DNAH8: variants seen among roughly 807,000 people sequenced by gnomAD.
DNAH8 encodes the protein axonemal beta dynein heavy chain 8.
In DNAH8, 382 loss-of-function variants were observed where a neutral mutation model predicts 562.1. That is an observed-to-expected ratio of 0.68 (90% CI 0.63 to 0.74). DNAH8 has a LOEUF of 0.74. Among genes scored for constraint, DNAH8 ranks in the 30% least tolerant of loss-of-function variants. The pLI, the probability that DNAH8 is intolerant of heterozygous loss-of-function variation, is 0.00. For synonymous variants in DNAH8, 1,881 were observed against 1,919.4 expected (o/e 0.98, Z 0.52); for missense variants, 5,203 against 5,620.4 (o/e 0.93, Z 2.37).
chr6:38,840,241 G>A (rs1186809284), intron 33 of DNAH8, among the ~76,000 whole-genome samples: 1 of 152,130 alleles, frequency 6.6e-6, no homozygotes, highest in East Asian at 1.9e-4. Flanking sequence ...TGAAAACTCG[G>A]ACAGTCATCA....
At chr6:38,934,500 G>C (rs1782800666) in intron 76 of DNAH8, among the ~76,000 whole-genome samples, 1 of 152,084 alleles carries the variant, frequency 6.6e-6, no homozygotes, top group Non-Finnish European at 1.5e-5. Context: ...TGAAAATGAT[G>C]AAATTTCTGA....
At chr6:38,770,308 T>A (rs1030398809) in intron 11 of DNAH8, 105 bp from the exon 12 acceptor site, 15 of 624,118 alleles carry the variant, frequency 2.4e-5, no homozygotes, top group Non-Finnish European at 3.7e-5. Context: ...ACTATACAGA[T>A]TTTCACAGTT....
chr6:38,770,657 C>T, intron 12 of DNAH8, 98 bp downstream of exon 12: 4 of 1,154,126 alleles, frequency 3.5e-6, no homozygotes, highest in Non-Finnish European at 4.7e-6. Flanking sequence ...TTCCTGATCT[C>T]TTGTCCACTA....
chr6:38,799,533 A>C (rs1474646539), intron 21 of DNAH8, among the ~76,000 whole-genome samples: 1 of 151,988 alleles, frequency 6.6e-6, no homozygotes, highest in African/African-American at 2.4e-5. Flanking sequence ...CCCATCTCCT[A>C]TTAATTTTTG....
At chr6:38,934,866 T>C (rs1782827067) in intron 76 of DNAH8, among the ~76,000 whole-genome samples, 1 of 152,254 alleles carries the variant, frequency 6.6e-6, no homozygotes, top group African/African-American at 2.4e-5. Flanking sequence ...CAACATTATG[T>C]ATTCTATAGA....
At chr6:38,750,296 C>G (rs1240028712) in intron 8 of DNAH8, among the ~76,000 whole-genome samples, 180 bp from the exon 9 acceptor site, 1 of 152,156 alleles carries the variant, frequency 6.6e-6, no homozygotes, top group African/African-American at 2.4e-5. Flanking sequence ...TTTAGTAATT[C>G]ATTTAAGGTG....
rs1266971661 is a variant in DNAH8, at chr6:38,945,527, T to C, written c.12068T>C (p.Met4023Thr). The change falls in exon 80 of 93, where the codon ATG (methionine) becomes ACG (threonine). Residue 4023 changes from methionine (M) to threonine (T), a missense_variant. Met to Thr is a moderately conservative substitution (Grantham distance 81). This residue lies in a region of DNAH8 where 1,399 missense variants were observed against 1,518.4 expected (regional missense o/e 0.92). Coordinates refer to ENST00000327475, the MANE Select transcript of DNAH8 (RefSeq NM_001206927.2). ...PPKPYRWILD[M>T]TWLNLVELSK... is the part of the protein sequence containing the mutation. ...AAACCCTATCGCTGGATCCTTGACATGACTTGGCTGAATCTTGTGGAGCTG... is the reference window on the plus strand; with the variant it reads ...AAACCCTATCGCTGGATCCTTGACACGACTTGGCTGAATCTTGTGGAGCTG... 5.0e-6 allele frequency: 8 copies of C among 1,614,058 alleles called. No individual in the cohort carries two copies. The highest frequency in any genetic ancestry group is 5.9e-6 in the Non-Finnish European group (7 of 1,180,032).
chr6:38,998,662 A>G (rs1427696762), intron 88 of DNAH8, among the ~76,000 whole-genome samples: 1 of 152,186 alleles, frequency 6.6e-6, no homozygotes, highest in Admixed American at 6.5e-5. Context: ...CTCATTAGGT[A>G]GTTGTTTATT....
intron 53 of DNAH8, among the ~76,000 whole-genome samples, chr6:38,876,233 C>T (rs1004802391): frequency 2.6e-5 from 4 of 152,170 alleles, no homozygotes; most frequent in Non-Finnish European, 5.9e-5. Context: ...AGAGAATGAA[C>T]GTAGCAGATT....
chr6:38,973,531 C>A, intron 83 of DNAH8, 130 bp from the exon 84 acceptor site: 1 of 620,490 alleles, frequency 1.6e-6, no homozygotes, highest in Non-Finnish European at 2.7e-6. Flanking sequence ...ATTGTATTGA[C>A]ATATAATTTT....
At chr6:39,029,634 G>A (rs1767536720) in intron 92 of DNAH8, among the ~76,000 whole-genome samples, 1 of 152,096 alleles carries the variant, frequency 6.6e-6, no homozygotes, top group African/African-American at 2.4e-5. Context: ...TGACTCTCCC[G>A]CTAGCTGGGC....
At chr6:38,773,499 C>G (rs562023334) in intron 12 of DNAH8, among the ~76,000 whole-genome samples, 2 of 152,256 alleles carry the variant, frequency 1.3e-5, no homozygotes, top group African/African-American at 4.8e-5. Flanking sequence ...AGCCCTGCCT[C>G]TAGTTTGAAG....
At chr6:38,939,764 T>C (rs943009779) in intron 79 of DNAH8, among the ~76,000 whole-genome samples, 1 of 152,206 alleles carries the variant, frequency 6.6e-6, no homozygotes, top group African/African-American at 2.4e-5. Flanking sequence ...GTTTCAATCT[T>C]TTTCTTGTGT....
chr6:38,845,879 A>G (rs1236125655), intron 36 of DNAH8, 106 bp downstream of exon 36: 3 of 928,696 alleles, frequency 3.2e-6, no homozygotes, highest in African/African-American at 3.3e-5. Context: ...ATTCTGCACT[A>G]AATTTGGTAT....
At chr6:38,800,738 A>C (rs1277626821) in intron 21 of DNAH8, among the ~76,000 whole-genome samples, 2 of 152,088 alleles carry the variant, frequency 1.3e-5, no homozygotes, top group Middle Eastern at 3.2e-3. Flanking sequence ...GCTGGGCTCA[A>C]ACCCCTGACC....
chr6:39,003,768 A>C (rs921282475), intron 88 of DNAH8, among the ~76,000 whole-genome samples: 1 of 152,190 alleles, frequency 6.6e-6, no homozygotes, highest in African/African-American at 2.4e-5. Flanking sequence ...TACTGTTATA[A>C]AGTCATATAG....
At chr6:38,808,668 T>C (rs1771517903) in intron 24 of DNAH8, among the ~76,000 whole-genome samples, 1 of 152,162 alleles carries the variant, frequency 6.6e-6, no homozygotes. Context: ...ATGTTCACAA[T>C]AGCAAAGGCT....
chr6:38,880,428 G>GA (rs905324696), intron 53 of DNAH8, among the ~76,000 whole-genome samples: 1 of 151,960 alleles, frequency 6.6e-6, no homozygotes, highest in African/African-American at 2.4e-5. Flanking sequence ...ATTTGAAATA[G>GA]CAAAATCTAG....
chr6:38,939,446 G>A (rs1314310118), intron 79 of DNAH8, among the ~76,000 whole-genome samples: 1 of 152,222 alleles, frequency 6.6e-6, no homozygotes, highest in African/African-American at 2.4e-5. Flanking sequence ...TTTCATTTCA[G>A]TTTAGTTACA....
Sources: allele counts gnomAD v4.1 joint callset (sites outside exome capture counted in the v4.1 genomes callset), GRCh38; gene constraint gnomAD v4.1.1; regional missense constraint gnomAD v4.1.1; transcripts MANE v1.5; gene names NCBI Gene and HGNC (gene_info 2026-07-23, HGNC 2026-07-21).